The following AKAP7 variants were observed in gnomAD, a reference collection of about 807,000 sequenced individuals.
The protein encoded by AKAP7 is A-kinase anchoring protein 7.
A neutral mutation model predicts 39.5 loss-of-function variants in AKAP7; 39 were observed. The ratio of observed to expected loss-of-function variants is 0.99; its 90% confidence interval spans 0.76 to 1.29. The LOEUF is 1.29. Ranked by LOEUF, AKAP7 falls within the 50% of genes most tolerant of loss-of-function variation. The pLI is 0.00. For missense variants in AKAP7, 414 were observed against 407.7 expected (o/e 1.02, Z -0.13); for synonymous variants, 140 against 139.1 (o/e 1.01, Z -0.05).
At chr6:131,212,248 G>T (rs7743894) in intron 6 of AKAP7, among the ~76,000 whole-genome samples, 18,655 of 152,156 alleles carry the variant, frequency 0.12, 1,329 homozygotes, top group Non-Finnish European at 0.15. Context: ...TGAAATGTGG[G>T]CAAGGTTCCG....
chr6:131,272,308 T>C (rs1007792332), intron 7 of AKAP7, among the ~76,000 whole-genome samples: 23 of 152,194 alleles, frequency 1.5e-4, no homozygotes, highest in African/African-American at 5.3e-4. Context: ...AGATTTTTTT[T>C]CAAGGGATTA....
intron 6 of AKAP7, among the ~76,000 whole-genome samples, chr6:131,201,914 G>A (rs1050157976): frequency 3.9e-5 from 6 of 152,120 alleles, no homozygotes; most frequent in Middle Eastern, 3.4e-3. Flanking sequence ...GATATGCAGC[G>A]TTATCAACAA....
At position 131,160,209 on chromosome 6, in the gene AKAP7, TAA is replaced by T. The variant is rs752023436; in HGVS notation, c.291+15_291+16del. 1.3e-5 allele frequency: 21 copies of T among 1,595,038 alleles called. No individual in the cohort carries two copies. In the East Asian group the frequency reaches 4.5e-4, roughly 34 times the overall value. ...ATCACCAACAAAGAGGTGCTATTTT[TAA>T]AAAGTTATTTTTACTGTGAAATTTT... On this transcript the variant is annotated intron_variant, in intron 3 of 7. Coordinates refer to ENST00000431975, the MANE Select transcript of AKAP7 (RefSeq NM_016377.4).
intron 6 of AKAP7, among the ~76,000 whole-genome samples, chr6:131,210,414 T>G (rs1023700940): frequency 1.3e-5 from 2 of 152,238 alleles, no homozygotes; most frequent in African/African-American, 4.8e-5. Context: ...TCTTAGGGAC[T>G]AGCCACCCTT....
intron 1 of AKAP7, among the ~76,000 whole-genome samples, chr6:131,137,977 TTTTCTGTCA>T (rs1303198935): frequency 6.6e-6 from 1 of 152,188 alleles, no homozygotes; most frequent in Non-Finnish European, 1.5e-5. Context: ...TTGTTAGCTT[TTTTCTGTCA>T]TTGCATTCTT....
intron 1 of AKAP7, among the ~76,000 whole-genome samples, chr6:131,143,727 G>T (rs1431355778): frequency 1.8e-4 from 27 of 148,870 alleles, no homozygotes; most frequent in African/African-American, 6.8e-4. Flanking sequence ...TAGCCATGTT[G>T]TAGCCATATT....
intron 2 of AKAP7, among the ~76,000 whole-genome samples, chr6:131,155,586 C>A (rs1802347891): frequency 6.6e-6 from 1 of 152,128 alleles, no homozygotes; most frequent in African/African-American, 2.4e-5. Flanking sequence ...AAGAACTTTA[C>A]CTTAGCTAGC....
chr6:131,214,678 C>T (rs2128294082), intron 6 of AKAP7, among the ~76,000 whole-genome samples: 1 of 152,244 alleles, frequency 6.6e-6, no homozygotes, highest in Non-Finnish European at 1.5e-5. Context: ...GTGACCTGTA[C>T]ATATCACTTG....
At chr6:131,128,145 C>T in the AKAP7 span, among the ~76,000 whole-genome samples, 1 of 152,070 alleles carries the variant, frequency 6.6e-6, no homozygotes, top group African/African-American at 2.4e-5. Context: ...AAAACCTGCA[C>T]ATGTACCCCT....
At chr6:131,204,371 A>G (rs1807892383) in intron 6 of AKAP7, among the ~76,000 whole-genome samples, 1 of 152,244 alleles carries the variant, frequency 6.6e-6, no homozygotes, top group Non-Finnish European at 1.5e-5. Flanking sequence ...ATAACAGCAT[A>G]CAAAGTAAAT....
At position 131,176,047 on chromosome 6, in the gene AKAP7, A is replaced by G. The variant is rs547702087; in HGVS notation, c.589+6774A>G. Among the ~76,000 whole-genome samples, 5 of 152,330 alleles carry G rather than the reference A, an allele frequency of 3.3e-5. No individual in the cohort carries two copies. The East Asian group carries it at 5.8e-4, about 18-fold the overall frequency. Reference sequence around the variant, plus strand: ...ATCTGTCTTTTTTATGGAGTTGTCTATAACAATGAATATAGGATGGGTGAG... The same window carrying G: ...ATCTGTCTTTTTTATGGAGTTGTCTGTAACAATGAATATAGGATGGGTGAG... On this transcript the variant is annotated intron_variant, in intron 5 of 7. Coordinates refer to ENST00000431975, the MANE Select transcript of AKAP7 (RefSeq NM_016377.4).
chr6:131,226,633 A>T (rs1810189191), intron 7 of AKAP7, among the ~76,000 whole-genome samples: 1 of 152,200 alleles, frequency 6.6e-6, no homozygotes, highest in African/African-American at 2.4e-5. Flanking sequence ...TTCCCTTGGG[A>T]ATGTAAATGA....
At chr6:131,218,164 A>C (rs1809357561) in intron 6 of AKAP7, among the ~76,000 whole-genome samples, 1 of 152,192 alleles carries the variant, frequency 6.6e-6, no homozygotes, top group African/African-American at 2.4e-5. Flanking sequence ...AGTTTTAGAC[A>C]TTGAACAAAA....
intron 3 of AKAP7, among the ~76,000 whole-genome samples, chr6:131,163,798 A>G (rs1174933862): frequency 4.6e-5 from 7 of 152,168 alleles, no homozygotes; most frequent in Admixed American, 4.6e-4. Context: ...ATGGGGGTAC[A>G]GTAAATCCTA....
intron 2 of AKAP7, among the ~76,000 whole-genome samples, chr6:131,152,867 G>A (rs567255193): frequency 3.3e-4 from 49 of 149,074 alleles, no homozygotes; most frequent in African/African-American, 1.0e-3. Flanking sequence ...GCTGGCTCAC[G>A]CCGGTAATCC....
intron 7 of AKAP7, among the ~76,000 whole-genome samples, chr6:131,241,189 A>G (rs1485424988): frequency 6.6e-6 from 1 of 152,092 alleles, no homozygotes; most frequent in Non-Finnish European, 1.5e-5. Flanking sequence ...GTTGAGGGGG[A>G]GCAGGAAACT....
At chr6:131,161,310 G>C (rs1000010555) in intron 3 of AKAP7, among the ~76,000 whole-genome samples, 13 of 151,928 alleles carry the variant, frequency 8.6e-5, no homozygotes, top group African/African-American at 3.1e-4. Context: ...TGATTTTACT[G>C]ATACATATTT....
chr6:131,146,423 C>T (rs775228481), intron 2 of AKAP7, among the ~76,000 whole-genome samples: 20 of 152,206 alleles, frequency 1.3e-4, no homozygotes, highest in Admixed American at 7.2e-4. Context: ...GCCTGGTCAA[C>T]ATAGGGAGAC....
chr6:131,152,482 T>G (rs1430603096), intron 2 of AKAP7, among the ~76,000 whole-genome samples: 2 of 152,212 alleles, frequency 1.3e-5, no homozygotes, highest in Non-Finnish European at 2.9e-5. Flanking sequence ...ACTTTGACCA[T>G]ATATAAATAA....
Sources: gnomAD v4.1 joint callset for allele counts (sites outside exome capture counted in the v4.1 genomes callset) on GRCh38, gnomAD v4.1.1 for gene constraint, MANE v1.5 for transcripts, NCBI Gene and HGNC (gene_info 2026-07-23, HGNC 2026-07-21) for gene names.